FSIP2: variants seen among roughly 807,000 people sequenced by gnomAD.
FSIP2 encodes the protein fibrous sheath-interacting protein 2.
Under a neutral mutation model 510.5 loss-of-function variants are expected in FSIP2, and 367 were observed. The observed-to-expected ratio is 0.72, with a 90% CI of 0.66 to 0.78. FSIP2 has a LOEUF of 0.78. Ranked by LOEUF, FSIP2 falls within the 30% of genes least tolerant of loss-of-function variation. The pLI is 0.00. For missense variants in FSIP2, 7,594 were observed against 7,901.7 expected, an observed-to-expected ratio of 0.96 and a Z score of 1.48; for synonymous variants, 2,601 against 2,732.2, an observed-to-expected ratio of 0.95 and a Z score of 1.50.
intron 12 of FSIP2, among the ~76,000 whole-genome samples, chr2:185,764,074 G>C (rs1264731835): frequency 2.3e-5 from 3 of 133,062 alleles, no homozygotes; most frequent in East Asian, 4.3e-4. Flanking sequence ...ATATTATAAA[G>C]GCTATGCCCT....
At position 185,795,285 on chromosome 2, in the gene FSIP2, A is replaced by G. The variant is rs73045074; in HGVS notation, c.8149A>G (p.Met2717Val). The stretch of plus-strand genomic sequence containing the variant: ...GACTGCCATTGGGTTGTCACACATC[A>G]TGTCAGCTGGAGATGCCAAAAATTT... ...SKTAIGLSHI[M>V]SAGDAKNLLD... Residue 2717 changes from methionine (M) to valine (V), a missense_variant, in exon 16 of 23, where the codon ATG (methionine) becomes GTG (valine). By Grantham distance (21) the Met-to-Val change is conservative (BLOSUM62 1). Transcript: ENST00000424728. 1.7e-3 allele frequency: 2,663 copies of G among 1,535,128 alleles called. 38 individuals carry two copies. In the African/African-American group the frequency reaches 0.032, roughly 19 times the overall value.
chr2:185,827,999 T>C (rs1217233983), intron 20 of FSIP2, among the ~76,000 whole-genome samples, 157 bp from the exon 21 acceptor site: 2 of 151,880 alleles, frequency 1.3e-5, no homozygotes, highest in Admixed American at 6.6e-5. Context: ...TTCAGTGTTG[T>C]TCCCAATTGC....
At chr2:185,738,523 C>G, upstream of FSIP2, 1 of 1,292,058 alleles carries the variant, frequency 7.7e-7, no homozygotes, top group Non-Finnish European at 1.1e-6. Flanking sequence ...TTTTATTGAA[C>G]GGAACAGGGC....
chr2:185,800,654 C>A lies in FSIP2; in HGVS notation c.11348C>A (p.Thr3783Lys). Residue 3783 changes from threonine to lysine, a missense_variant, in exon 17 of 23, where the codon ACA becomes AAA. Physicochemically the swap from Thr to Lys is moderately conservative, Grantham distance 78. Transcript: ENST00000424728. ...GATAAAGGGTCTGTTTCAGAGGAAA[C>A]ATCAGCAGAAGAATGTCAACTTTTA... ...FPDKGSVSEE[T>K]SAEECQLLKM... 1 of 1,534,012 alleles carries A rather than the reference C, an allele frequency of 6.5e-7. No homozygotes were observed. Among genetic ancestry groups the A allele is most frequent in the Non-Finnish European group, 8.7e-7 (1 of 1,145,608 alleles).
At chr2:185,775,951 T>C (rs967368202) in intron 13 of FSIP2, among the ~76,000 whole-genome samples, 2 of 152,134 alleles carry the variant, frequency 1.3e-5, no homozygotes, top group African/African-American at 4.8e-5. Flanking sequence ...GCGTGAGCCA[T>C]CGCACCTGGC....
At chr2:185,824,535 T>G (rs927561384) in intron 20 of FSIP2, 55 bp downstream of exon 20, 1 of 1,013,464 alleles carries the variant, frequency 9.9e-7, no homozygotes, top group African/African-American at 1.6e-5. Context: ...TGATGTGTTT[T>G]TTTTTTAGTT....
chr2:185,820,821 A>G (rs867868968), intron 19 of FSIP2, among the ~76,000 whole-genome samples: 2 of 151,556 alleles, frequency 1.3e-5, no homozygotes, highest in Non-Finnish European at 1.5e-5. Context: ...AGTAAAATTT[A>G]TAGTTGTAAA....
At position 185,793,249 on chromosome 2, in the gene FSIP2, C is replaced by T; in HGVS notation, c.6113C>T (p.Ala2038Val). 1 of 1,533,972 alleles carries T rather than the reference C, an allele frequency of 6.5e-7. No homozygotes were observed. Among genetic ancestry groups the T allele is most frequent in the Non-Finnish European group, 8.7e-7 (1 of 1,145,468 alleles). ...GACATTGGGATTTCTGAAAGTATTG[C>T]AAGTCAAATTGTTAACGCATTGTTA... ...THDIGISESI[A>V]SQIVNALLDI... Residue 2038 changes from alanine (A) to valine (V), a missense_variant, in exon 16 of 23, where the codon GCA becomes GTA. Ala to Val is a moderately conservative substitution (Grantham distance 64, BLOSUM62 0). Coordinates refer to ENST00000424728, the MANE Select transcript of FSIP2 (RefSeq NM_173651.4).
intron 21 of FSIP2, among the ~76,000 whole-genome samples, chr2:185,829,833 T>C (rs1694075726): frequency 6.6e-6 from 1 of 151,956 alleles, no homozygotes; most frequent in Non-Finnish European, 1.5e-5. Context: ...CACAGCATTT[T>C]AGCCATAGAA....
intron 13 of FSIP2, among the ~76,000 whole-genome samples, chr2:185,777,393 GTT>G (rs10567134): frequency 0.31 from 38,477 of 122,954 alleles, 4,501 homozygotes; most frequent in Middle Eastern, 0.45. Flanking sequence ...TATAATTGTA[GTT>G]TTTTTTTTTT....
chr2:185,822,028 G>C (rs781714437), intron 19 of FSIP2, among the ~76,000 whole-genome samples: 2 of 151,864 alleles, frequency 1.3e-5, no homozygotes, highest in South Asian at 4.2e-4. Context: ...AGTTTACATG[G>C]ATAAAAGGAC....
chr2:185,751,579 A>C (rs746066904), intron 7 of FSIP2, among the ~76,000 whole-genome samples: 1 of 150,862 alleles, frequency 6.6e-6, no homozygotes, highest in African/African-American at 2.4e-5. Context: ...TAGCATTTAC[A>C]TTTAGTGCGA....
rs1346496652 is a variant in FSIP2, at chr2:185,796,031, C to T, written c.8895C>T (p.Ser2965=). The T allele has an allele frequency of 6.5e-6, 10 of 1,532,876 alleles. No individual in the cohort carries two copies. The highest frequency in any genetic ancestry group is 2.0e-5 in the Admixed American group (1 of 50,524). The allele number at this position is 1,532,876 out of a possible 1,614,324, so 95.0% of individuals were successfully genotyped here. ...AATATGGTTTTCCAAACAAGCATAGCCTCAGCAGTTTACCAATCTATAACA... is the reference window on the plus strand; with the variant it reads ...AATATGGTTTTCCAAACAAGCATAGTCTCAGCAGTTTACCAATCTATAACA... ...KSKYGFPNKH[S]LSSLPIYNTK... Residue 2965 remains serine, a synonymous_variant, in exon 16 of 23, where the codon AGC becomes AGT. Coordinates refer to ENST00000424728, the MANE Select transcript of FSIP2 (RefSeq NM_173651.4).
intron 9 of FSIP2, among the ~76,000 whole-genome samples, chr2:185,756,818 C>A (rs1008344861): frequency 2.0e-5 from 3 of 151,260 alleles, no homozygotes; most frequent in African/African-American, 7.3e-5. Context: ...TAACTAATCT[C>A]CCATTATTAA....
At chr2:185,763,138 G>C in intron 11 of FSIP2, 45 bp from the exon 12 acceptor site, 1 of 827,186 alleles carries the variant, frequency 1.2e-6, no homozygotes, top group Admixed American at 2.0e-5. Context: ...CCTTGTCCCA[G>C]CAATATCAGC....
intron 18 of FSIP2, among the ~76,000 whole-genome samples, 185 bp from the exon 19 acceptor site, chr2:185,815,186 C>A (rs1693804984): frequency 6.6e-6 from 1 of 151,926 alleles, no homozygotes; most frequent in Non-Finnish European, 1.5e-5. Flanking sequence ...CTTCACTGAA[C>A]TATTTCAAGT....
chr2:185,803,445 C>G lies in FSIP2; in HGVS notation c.14139C>G (p.Val4713=). ...TTTTGCAAGAATATGAAATGGAAGTCGTGCCCAATAAAGATTTTCTAAATG... is the reference window on the plus strand; with the variant it reads ...TTTTGCAAGAATATGAAATGGAAGTGGTGCCCAATAAAGATTTTCTAAATG... ...SKVLQEYEME[V]VPNKDFLNDT... The change falls in exon 17 of 23, where the codon GTC becomes GTG. Residue 4713 remains valine (V), a synonymous_variant. Coordinates refer to ENST00000424728, the MANE Select transcript of FSIP2 (RefSeq NM_173651.4). 6.5e-7 allele frequency: 1 copy of G among 1,529,606 alleles called. No individual in the cohort carries two copies. The highest frequency in any genetic ancestry group is 8.7e-7 in the Non-Finnish European group (1 of 1,143,626). The allele number at this position is 1,529,606 out of a possible 1,614,324, so 94.8% of individuals were successfully genotyped here.
At position 185,806,395 on chromosome 2, in the gene FSIP2, C is replaced by G; in HGVS notation, c.17089C>G (p.Pro5697Ala). 1.2e-6 allele frequency: 2 copies of G among 1,611,792 alleles called. No individual in the cohort carries two copies. Among genetic ancestry groups the G allele is most frequent in the Non-Finnish European group, 1.7e-6 (2 of 1,178,592 alleles). The change falls in exon 17 of 23, where the codon CCA (proline) becomes GCA (alanine). Residue 5697 changes from proline to alanine, a missense_variant. Pro to Ala is a conservative substitution (Grantham distance 27). Transcript: ENST00000424728. ...TTTAGAACTATCTTCTTCTCCAGAA[C>G]CAGCATATTATTCGAAACTCAGTTA... Reference protein sequence around the residue: ...DVLELSSSPEPAYYSKLSYDQ... With the variant: ...DVLELSSSPEAAYYSKLSYDQ...
At position 185,833,071 on chromosome 2, in the gene FSIP2, T is replaced by C; in HGVS notation, c.20588-19T>C. 1 of 1,608,080 alleles carries C rather than the reference T, an allele frequency of 6.2e-7. No homozygotes were observed. The highest frequency in any genetic ancestry group is 1.7e-5 in the Admixed American group (1 of 59,424). On this transcript the variant is annotated intron_variant, in intron 22 of 22. Transcript: ENST00000424728. ...TTCAAAAATAAAGATATCATTCTTCTTGTTTACTTTGTCCACAGAAACTCC... is the reference window on the plus strand; with the variant it reads ...TTCAAAAATAAAGATATCATTCTTCCTGTTTACTTTGTCCACAGAAACTCC...
Sources: allele counts gnomAD v4.1 joint callset (sites outside exome capture counted in the v4.1 genomes callset), GRCh38; gene constraint gnomAD v4.1.1; transcripts MANE v1.5; gene names NCBI Gene and HGNC (gene_info 2026-07-23, HGNC 2026-07-21).